The following RPS6KC1 variants were observed in gnomAD, a reference collection of about 807,000 sequenced individuals.
RPS6KC1 encodes the protein ribosomal protein S6 kinase C1.
A neutral mutation model predicts 103.8 loss-of-function variants in RPS6KC1; 54 were observed. The ratio of observed to expected loss-of-function variants is 0.52; its 90% CI spans 0.42 to 0.65. The LOEUF is 0.65. RPS6KC1 is among the 30% of genes least tolerant of loss of function. The pLI, the probability that RPS6KC1 is intolerant of heterozygous loss-of-function variation, is 0.00. For missense variants in RPS6KC1, 1,151 were observed against 1,253.8 expected (o/e 0.92, Z 1.24); for synonymous variants, 439 against 438.7 (o/e 1.00, Z -0.01).
the RPS6KC1 span, chr1:213,819,478 A>G: frequency 6.6e-6 from 1 of 152,226 alleles, no homozygotes; most frequent in South Asian, 2.1e-4. Context: ...TCTGAAGGTT[A>G]ACAAGGTCTC....
At chr1:213,186,365 A>C (rs2092532011) in intron 8 of RPS6KC1, among the ~76,000 whole-genome samples, 1 of 151,946 alleles carries the variant, frequency 6.6e-6, no homozygotes. Flanking sequence ...CTCGGATGGC[A>C]GTTTTATTTT....
chr1:213,527,821 C>A, the RPS6KC1 span, among the ~76,000 whole-genome samples: 19 of 152,028 alleles, frequency 1.2e-4, no homozygotes, highest in African/African-American at 4.1e-4. Context: ...CTACTATTGA[C>A]TAGAAACCTT....
the RPS6KC1 span, among the ~76,000 whole-genome samples, chr1:213,552,271 A>G: frequency 1.3e-5 from 2 of 152,214 alleles, no homozygotes; most frequent in African/African-American, 4.8e-5. Context: ...TTCTAAGAAA[A>G]CAAACAAACA....
the RPS6KC1 span, among the ~76,000 whole-genome samples, chr1:213,560,582 G>T: frequency 3.3e-5 from 5 of 152,104 alleles, no homozygotes; most frequent in African/African-American, 4.8e-5. Flanking sequence ...CTACATATGA[G>T]AACACAGCCT....
the RPS6KC1 span, among the ~76,000 whole-genome samples, chr1:213,470,948 C>T: frequency 2.6e-5 from 4 of 152,172 alleles, no homozygotes; most frequent in South Asian, 2.1e-4. Flanking sequence ...TAAAGAGAAA[C>T]GTCCCCTCAT....
chr1:213,153,248 G>A (rs2089457916), intron 6 of RPS6KC1, among the ~76,000 whole-genome samples: 1 of 146,838 alleles, frequency 6.8e-6, no homozygotes, highest in Admixed American at 6.7e-5. Flanking sequence ...ACCGTGGGGA[G>A]AGGGAGAGGG....
At chr1:213,428,464 TCCTCCCTCCCTC>T in the RPS6KC1 span, among the ~76,000 whole-genome samples, 1 of 48,568 alleles carries the variant, frequency 2.1e-5, no homozygotes, top group African/African-American at 8.1e-5. Context: ...CTTCCTTCTT[TCCTCCCTCCCTC>T]CCTCCCTTCC....
At chr1:213,561,295 G>A in the RPS6KC1 span, among the ~76,000 whole-genome samples, 18 of 152,150 alleles carry the variant, frequency 1.2e-4, no homozygotes, top group Non-Finnish European at 2.5e-4. Context: ...TTTATGTGCT[G>A]TGGTTCTTTG....
At chr1:213,637,069 A>G in the RPS6KC1 span, among the ~76,000 whole-genome samples, 2 of 152,220 alleles carry the variant, frequency 1.3e-5, no homozygotes, top group Non-Finnish European at 2.9e-5. Flanking sequence ...ATGAGATACC[A>G]TCTCACACCA....
chr1:213,107,377 A>G (rs922963250), intron 4 of RPS6KC1, among the ~76,000 whole-genome samples: 8 of 152,194 alleles, frequency 5.3e-5, no homozygotes, highest in African/African-American at 1.4e-4. Context: ...TTTCAAATAC[A>G]TGGAATTACA....
At chr1:213,340,412 A>T in the RPS6KC1 span, among the ~76,000 whole-genome samples, 1 of 152,240 alleles carries the variant, frequency 6.6e-6, no homozygotes, top group Non-Finnish European at 1.5e-5. Context: ...TGCAAAGAGC[A>T]TTTAATAATG....
intron 8 of RPS6KC1, among the ~76,000 whole-genome samples, chr1:213,195,821 GGT>G (rs60968477): frequency 9.1e-4 from 136 of 149,598 alleles, no homozygotes; most frequent in Middle Eastern, 3.4e-3. Flanking sequence ...AGTATTCCAT[GGT>G]GTGTGTGTGT....
intron 1 of RPS6KC1, among the ~76,000 whole-genome samples, chr1:213,065,262 A>G (rs113428680): frequency 0.023 from 3,451 of 152,272 alleles, 124 homozygotes; most frequent in African/African-American, 0.078. Flanking sequence ...GGCTTGAGCC[A>G]TCGTGTCTGG....
the RPS6KC1 span, among the ~76,000 whole-genome samples, chr1:213,513,610 C>G: frequency 6.6e-6 from 1 of 152,186 alleles, no homozygotes; most frequent in South Asian, 2.1e-4. Context: ...ATTGCATTAG[C>G]AGGAGAGAAG....
At chr1:213,368,148 G>T in the RPS6KC1 span, among the ~76,000 whole-genome samples, 3 of 152,222 alleles carry the variant, frequency 2.0e-5, no homozygotes, top group African/African-American at 7.2e-5. Flanking sequence ...TTTACCTTAG[G>T]AACAGAATGC....
the RPS6KC1 span, among the ~76,000 whole-genome samples, chr1:213,573,915 A>G: frequency 6.6e-6 from 1 of 152,348 alleles, no homozygotes; most frequent in African/African-American, 2.4e-5. Flanking sequence ...GTGAAGGTCC[A>G]AGGAGTGGTG....
At chr1:213,449,211 G>C in the RPS6KC1 span, among the ~76,000 whole-genome samples, 1 of 152,074 alleles carries the variant, frequency 6.6e-6, no homozygotes, top group Admixed American at 6.5e-5. Context: ...TTAGGCTCTG[G>C]GACCCGCCCC....
chr1:213,481,402 C>T, the RPS6KC1 span, among the ~76,000 whole-genome samples: 1 of 152,258 alleles, frequency 6.6e-6, no homozygotes, highest in Middle Eastern at 3.4e-3. Context: ...AGTGAAGTGT[C>T]CTTCTCAAAC....
chr1:213,581,711 C>T, the RPS6KC1 span, among the ~76,000 whole-genome samples: 44 of 152,194 alleles, frequency 2.9e-4, no homozygotes, highest in African/African-American at 1.0e-3. Flanking sequence ...TGGAGCCCTG[C>T]GTATCAAAGG....
Sources: gnomAD v4.1 joint callset for allele counts (sites outside exome capture counted in the v4.1 genomes callset) on GRCh38, gnomAD v4.1.1 for gene constraint, MANE v1.5 for transcripts, NCBI Gene and HGNC (gene_info 2026-07-23, HGNC 2026-07-21) for gene names.